Variants in MAP2 observed in about 807,000 individuals in gnomAD.
MAP2 encodes the protein microtubule-associated protein 2.
Under a neutral mutation model 137.6 loss-of-function variants are expected in MAP2, and 14 were observed. The ratio of observed to expected loss-of-function variants is 0.10; its 90% CI spans 0.07 to 0.16. MAP2 has a LOEUF of 0.16. MAP2 is among the 10% of genes least tolerant of loss of function. The pLI is 1.00. For synonymous variants in MAP2, 786 were observed against 782.3 expected, an observed-to-expected ratio of 1.00 and a Z score of -0.08; for missense variants, 2,088 against 2,191.5, an observed-to-expected ratio of 0.95 and a Z score of 0.94.
intron 3 of MAP2, among the ~76,000 whole-genome samples, chr2:209,581,805 A>G (rs1463837481): frequency 6.6e-6 from 1 of 152,214 alleles, no homozygotes; most frequent in East Asian, 1.9e-4. Flanking sequence ...AAGTTCTGTT[A>G]TGATTTGTCT....
intron 2 of MAP2, among the ~76,000 whole-genome samples, chr2:209,548,365 C>T (rs970889022): frequency 6.6e-6 from 1 of 152,176 alleles, no homozygotes; most frequent in African/African-American, 2.4e-5. Context: ...CCTAGAAGGG[C>T]TTTGCATTTG....
chr2:209,589,111 A>G (rs13404929), intron 3 of MAP2, among the ~76,000 whole-genome samples: 4,346 of 152,274 alleles, frequency 0.029, 187 homozygotes, highest in South Asian at 0.22. Flanking sequence ...ACTGTGAATT[A>G]CAAAGTTGTT....
At chr2:209,431,409 T>C (rs1031297111) in intron 1 of MAP2, among the ~76,000 whole-genome samples, 1 of 152,186 alleles carries the variant, frequency 6.6e-6, no homozygotes, top group Non-Finnish European at 1.5e-5. Flanking sequence ...TAGTTAATTA[T>C]TTTTTACATT....
chr2:209,567,748 C>A (rs888848532), intron 2 of MAP2, among the ~76,000 whole-genome samples: 1 of 151,910 alleles, frequency 6.6e-6, no homozygotes, highest in African/African-American at 2.4e-5. Context: ...TCTTTCTCGC[C>A]AACTTAATGA....
intron 4 of MAP2, among the ~76,000 whole-genome samples, chr2:209,627,220 A>G (rs2092452966): frequency 6.6e-6 from 1 of 152,160 alleles, no homozygotes; most frequent in Admixed American, 6.6e-5. Flanking sequence ...TATTCTAGAA[A>G]ATAATGGAGG....
intron 2 of MAP2, among the ~76,000 whole-genome samples, chr2:209,523,746 A>G (rs1297326858): frequency 6.6e-6 from 1 of 152,212 alleles, no homozygotes; most frequent in East Asian, 1.9e-4. Context: ...GGTGGTCCGA[A>G]TCAAAGATTG....
intron 5 of MAP2, among the ~76,000 whole-genome samples, chr2:209,663,190 C>G (rs922737688): frequency 1.3e-5 from 2 of 152,138 alleles, no homozygotes; most frequent in African/African-American, 4.8e-5. Context: ...TGTGTCAAGC[C>G]TTTTTCTCTT....
intron 3 of MAP2, among the ~76,000 whole-genome samples, chr2:209,593,828 T>G (rs1161715416): frequency 1.1e-5 from 1 of 87,280 alleles, no homozygotes; most frequent in Admixed American, 1.8e-4. Context: ...ATACATTATA[T>G]TTATATTATA....
At position 209,433,251 on chromosome 2, in the gene MAP2, A is replaced by G. The variant is rs1574671601; in HGVS notation, c.-222+8975A>G. Among the ~76,000 whole-genome samples the G allele has an allele frequency of 2.6e-5, 4 of 152,278 alleles. 1 individual carries two copies. In the East Asian group the frequency reaches 7.7e-4, roughly 29 times the overall value. On this transcript the variant is annotated intron_variant, in intron 1 of 15. Coordinates refer to ENST00000682079, the MANE Select transcript of MAP2 (RefSeq NM_001375505.1). Reference sequence around the variant, plus strand: ...TGTAGGGAATATACAATAAACATATATAATAGAGCTTGTCTGTGATGGGAT... The same window carrying G: ...TGTAGGGAATATACAATAAACATATGTAATAGAGCTTGTCTGTGATGGGAT...
At chr2:209,690,974 G>A in intron 7 of MAP2, 1 of 927,216 alleles carries the variant, frequency 1.1e-6, no homozygotes, top group Non-Finnish European at 1.4e-6. Flanking sequence ...CAAGTCCACT[G>A]TTGTAGGCTT....
rs574003919 is a variant in MAP2 at position 209,567,867 on chromosome 2, C to T, written c.-171-12169C>T. 2.0e-5 allele frequency among the ~76,000 whole-genome samples: 3 copies of T among 152,114 alleles called. No homozygotes were observed. In the East Asian group the frequency reaches 5.8e-4, roughly 29 times the overall value. ...CTAAAATCCTTTGCAGCTGAGAAATCTGATGATAGAATGAGCCATGAAGTT... is the reference window on the plus strand; with the variant it reads ...CTAAAATCCTTTGCAGCTGAGAAATTTGATGATAGAATGAGCCATGAAGTT... On this transcript the variant is annotated intron_variant, in intron 2 of 15. Transcript: ENST00000682079.
intron 4 of MAP2, among the ~76,000 whole-genome samples, chr2:209,639,877 C>A (rs1173582549): frequency 6.6e-6 from 1 of 152,056 alleles, no homozygotes; most frequent in African/African-American, 2.4e-5. Flanking sequence ...AAACACAGCC[C>A]TTCCTCCAGG....
chr2:209,550,980 C>T (rs964640145), intron 2 of MAP2, among the ~76,000 whole-genome samples: 3 of 152,030 alleles, frequency 2.0e-5, no homozygotes, highest in African/African-American at 2.4e-5. Flanking sequence ...CTCATATCAT[C>T]CCAATTTCAT....
intron 1 of MAP2, among the ~76,000 whole-genome samples, chr2:209,455,875 A>G (rs1170224592): frequency 2.6e-5 from 4 of 152,254 alleles, no homozygotes; most frequent in Non-Finnish European, 4.4e-5. Context: ...GCATTCTACT[A>G]CTACTACCAC....
At chr2:209,704,417 T>G (rs55888621) in intron 11 of MAP2, 65,469 of 1,578,774 alleles carry the variant, frequency 0.041, 2,952 homozygotes, top group African/African-American at 0.24. Flanking sequence ...TTTGGTTTAT[T>G]TTGTGCTTTT....
rs2060137882 is a variant in MAP2, at chr2:209,696,204, A to G, written c.4034A>G (p.Asp1345Gly). Residue 1345 changes from aspartate (D) to glycine (G), a missense_variant, in exon 8 of 16, where the codon GAT becomes GGT. Physicochemically the swap from Asp to Gly is moderately conservative, Grantham distance 94. Around this residue, in one of 6 missense-constraint regions of MAP2, gnomAD observed 591 missense variants for 642.6 expected, o/e 0.92. Coordinates refer to ENST00000682079, the MANE Select transcript of MAP2 (RefSeq NM_001375505.1). ...EAAEAQAEPK[D>G]GSPEAPASPE... ...GCTGAAGCCCAGGCAGAACCCAAAG[A>G]TGGTTCCCCAGAGGCTCCAGCTTCC... The G allele has an allele frequency of 6.2e-7, 1 of 1,613,620 alleles. No homozygotes were observed. Among genetic ancestry groups the G allele is most frequent in the East Asian group, 2.2e-5 (1 of 44,868 alleles).
chr2:209,654,306 G>C (rs1232832861), intron 5 of MAP2, among the ~76,000 whole-genome samples: 2 of 152,146 alleles, frequency 1.3e-5, no homozygotes, highest in Non-Finnish European at 2.9e-5. Context: ...TTCAGCAGTT[G>C]TTCTGATAAA....
chr2:209,431,971 C>T (rs41526653), intron 1 of MAP2, among the ~76,000 whole-genome samples: 4,843 of 152,174 alleles, frequency 0.032, 289 homozygotes, highest in African/African-American at 0.11. Flanking sequence ...TGGATCTCTC[C>T]GGATAGTAGT....
At chr2:209,562,396 GA>G (rs35378786) in intron 2 of MAP2, among the ~76,000 whole-genome samples, 2 of 150,440 alleles carry the variant, frequency 1.3e-5, no homozygotes, top group Non-Finnish European at 3.0e-5. Context: ...TCTCCAGCTT[GA>G]AAAAAAAAGC....
Sources: gnomAD v4.1 joint callset for allele counts (sites outside exome capture counted in the v4.1 genomes callset) on GRCh38, gnomAD v4.1.1 for gene constraint, gnomAD v4.1.1 regional missense constraint, MANE v1.5 for transcripts, NCBI Gene and HGNC (gene_info 2026-07-23, HGNC 2026-07-21) for gene names.